CNGB3: variants seen among roughly 807,000 people sequenced by gnomAD.
CNGB3 encodes cyclic nucleotide-gated channel beta-3.
CNGB3 carries 86 observed loss-of-function variants against 92.8 expected under a neutral mutation model. That is an observed-to-expected ratio of 0.93 (90% CI 0.78 to 1.11). The LOEUF (loss-of-function observed/expected upper bound fraction) is 1.11, where lower values mean the gene tolerates loss of function less well. CNGB3 is among the 50% of genes least tolerant of loss of function. The probability of loss-of-function intolerance (pLI) is 0.00; values close to 1 mark genes in which losing one functional copy is unlikely to be tolerated. For missense variants in CNGB3, 1,026 were observed against 956.8 expected, an observed-to-expected ratio of 1.07 and a Z score of -0.95; for synonymous variants, 333 against 332.7, an observed-to-expected ratio of 1.00 and a Z score of -0.01.
intron 3 of CNGB3, among the ~76,000 whole-genome samples, chr8:86,717,719 C>A (rs1190921162): frequency 6.6e-6 from 1 of 152,114 alleles, no homozygotes; most frequent in Non-Finnish European, 1.5e-5. Flanking sequence ...ACATTCTATT[C>A]ATCAGCACCT....
chr8:86,672,093 CT>C (rs1349978460), intron 3 of CNGB3, among the ~76,000 whole-genome samples: 1 of 152,006 alleles, frequency 6.6e-6, no homozygotes, highest in African/African-American at 2.4e-5. Flanking sequence ...AATGAACTTC[CT>C]TTTGATTTTT....
At chr8:86,692,804 G>A (rs1282159603) in intron 3 of CNGB3, among the ~76,000 whole-genome samples, 1 of 151,542 alleles carries the variant, frequency 6.6e-6, no homozygotes, top group Non-Finnish European at 1.5e-5. Context: ...TTTTTTTCAT[G>A]GTGTTATTGT....
chr8:86,593,372 T>C (rs1160240153), intron 15 of CNGB3, among the ~76,000 whole-genome samples: 1 of 152,214 alleles, frequency 6.6e-6, no homozygotes, highest in African/African-American at 2.4e-5. Context: ...GAAAATACTG[T>C]ATCAAAGAAG....
At chr8:86,610,894 C>T (rs1822504556) in intron 14 of CNGB3, among the ~76,000 whole-genome samples, 1 of 152,126 alleles carries the variant, frequency 6.6e-6, no homozygotes, top group Non-Finnish European at 1.5e-5. Flanking sequence ...ACTGAAACAT[C>T]ATGCAGCTTT....
intron 3 of CNGB3, among the ~76,000 whole-genome samples, chr8:86,674,310 TA>T (rs1328072611): frequency 6.6e-6 from 1 of 152,234 alleles, no homozygotes; most frequent in Non-Finnish European, 1.5e-5. Flanking sequence ...ACCTCATGGT[TA>T]AAATGCTGAA....
chr8:86,637,996 T>C (rs1823106599), intron 10 of CNGB3, among the ~76,000 whole-genome samples: 1 of 152,190 alleles, frequency 6.6e-6, no homozygotes, highest in Non-Finnish European at 1.5e-5. Flanking sequence ...TGCTTCCGTA[T>C]AAGATGTCTT....
chr8:86,578,424 A>T (rs1260655307), intron 17 of CNGB3, among the ~76,000 whole-genome samples: 1 of 152,210 alleles, frequency 6.6e-6, no homozygotes, highest in East Asian at 1.9e-4. Flanking sequence ...TCTGCAAATA[A>T]TCTATGAATA....
At chr8:86,707,188 A>G (rs1328909049) in intron 3 of CNGB3, among the ~76,000 whole-genome samples, 3 of 152,206 alleles carry the variant, frequency 2.0e-5, no homozygotes, top group Non-Finnish European at 2.9e-5. Flanking sequence ...TCATAGGCCT[A>G]TTATATGCCA....
intron 15 of CNGB3, chr8:86,594,200 G>T: frequency 3.6e-6 from 1 of 276,098 alleles, no homozygotes; most frequent in Non-Finnish European, 7.2e-6. Flanking sequence ...CCCCAACAGG[G>T]CCAAGACCTT....
chr8:86,673,534 A>G (rs1000575541), intron 3 of CNGB3, among the ~76,000 whole-genome samples: 3 of 152,182 alleles, frequency 2.0e-5, no homozygotes, highest in Non-Finnish European at 2.9e-5. Context: ...TGAGGAGTTT[A>G]GACATTAAGC....
intron 2 of CNGB3, among the ~76,000 whole-genome samples, chr8:86,738,291 G>A (rs1586045129): frequency 6.6e-6 from 1 of 152,298 alleles, no homozygotes; most frequent in East Asian, 1.9e-4. Context: ...ATCACATTAA[G>A]TTCTACAAAG....
chr8:86,613,582 ACT>A (rs1299931272), intron 13 of CNGB3, among the ~76,000 whole-genome samples: 1 of 152,100 alleles, frequency 6.6e-6, no homozygotes. Flanking sequence ...AATGAAGGTA[ACT>A]CTCAGTCACT....
chr8:86,618,132 A>G (rs1822652584), intron 13 of CNGB3, among the ~76,000 whole-genome samples: 1 of 152,184 alleles, frequency 6.6e-6, no homozygotes, highest in Non-Finnish European at 1.5e-5. Context: ...ATGAGAATCT[A>G]ATGCCACTGC....
chr8:86,662,542 T>C (rs1335895244), intron 6 of CNGB3, among the ~76,000 whole-genome samples: 2 of 152,242 alleles, frequency 1.3e-5, no homozygotes, highest in Admixed American at 1.3e-4. Flanking sequence ...GCTAGGTGTC[T>C]TATTCAATCT....
At chr8:86,596,528 C>T (rs1397734443) in intron 15 of CNGB3, among the ~76,000 whole-genome samples, 2 of 152,126 alleles carry the variant, frequency 1.3e-5, no homozygotes, top group African/African-American at 4.8e-5. Flanking sequence ...TGCATTTGTA[C>T]ATTCACAAAG....
rs558557370 is a variant in CNGB3, at chr8:86,627,696, T to C, written c.1480+1223A>G. Among the ~76,000 whole-genome samples, 6 of 152,366 alleles carry C rather than the reference T, an allele frequency of 3.9e-5. No individual in the cohort carries two copies. In the East Asian group the frequency reaches 9.7e-4, roughly 25 times the overall value. ...CAGTAACAATTATTTTTAACTGCAG[T>C]AGTATAGTGGTATAGTTGTAGACAC... On this transcript the variant is annotated intron_variant, in intron 12 of 17. Transcript: ENST00000320005.
intron 3 of CNGB3, among the ~76,000 whole-genome samples, chr8:86,675,484 T>C (rs983015105): frequency 1.3e-5 from 2 of 152,148 alleles, no homozygotes; most frequent in Admixed American, 6.6e-5. Flanking sequence ...GTCACCATCA[T>C]AGCTTACTGA....
rs560752261 is a variant in CNGB3 at position 86,724,109 on chromosome 8, A to T, written c.338+2422T>A. 7.1e-4 allele frequency among the ~76,000 whole-genome samples: 108 copies of T among 152,298 alleles called. 1 individual carries two copies. In the South Asian group the frequency reaches 0.022, roughly 31 times the overall value. On this transcript the variant is annotated intron_variant, in intron 3 of 17. Coordinates refer to ENST00000320005, the MANE Select transcript of CNGB3 (RefSeq NM_019098.5). ...CTTATTACCTGGCTGATGAAATAATATGTACATCAAACCCTTGCAACATGA... is the reference window on the plus strand; with the variant it reads ...CTTATTACCTGGCTGATGAAATAATTTGTACATCAAACCCTTGCAACATGA...
chr8:86,594,795 G>A (rs1822133319), intron 15 of CNGB3, among the ~76,000 whole-genome samples: 1 of 152,076 alleles, frequency 6.6e-6, no homozygotes, highest in African/African-American at 2.4e-5. Context: ...TGCAACCTCC[G>A]ACTCCCTGGT....
Sources: gnomAD v4.1 joint callset for allele counts (sites outside exome capture counted in the v4.1 genomes callset) on GRCh38, gnomAD v4.1.1 for gene constraint, MANE v1.5 for transcripts, NCBI Gene and HGNC (gene_info 2026-07-23, HGNC 2026-07-21) for gene names.